Variants in S100A5 observed in about 807,000 individuals in gnomAD.
The protein encoded by S100A5 is S100 calcium binding protein A5.
Under a neutral mutation model 6.7 loss-of-function variants are expected in S100A5, and 5 were observed. That is an observed-to-expected ratio of 0.75 (90% CI 0.39 to 1.57). The LOEUF (loss-of-function observed/expected upper bound fraction) is 1.57, where lower values mean the gene tolerates loss of function less well. Ranked by LOEUF, S100A5 falls within the 40% of genes most tolerant of loss-of-function variation. The pLI is 0.03. For synonymous variants in S100A5, 49 were observed against 44.9 expected, an observed-to-expected ratio of 1.09 and a Z score of -0.37; for missense variants, 129 against 110.8, an observed-to-expected ratio of 1.16 and a Z score of -0.74.
upstream of S100A5, chr1:153,543,468 C>T (rs889555969): frequency 1.1e-5 from 4 of 357,968 alleles, no homozygotes; most frequent in South Asian, 9.1e-5. Flanking sequence ...CCTGTGCACA[C>T]ACACTGTTAG....
At chr1:153,538,113 C>T (rs1423704709) in intron 2 of S100A5, among the ~76,000 whole-genome samples, 2 of 152,144 alleles carry the variant, frequency 1.3e-5, no homozygotes, top group Non-Finnish European at 2.9e-5. Flanking sequence ...CTGAGTGACT[C>T]TCTCCCCATT....
chr1:153,539,871 A>C (rs4017737), intron 2 of S100A5, among the ~76,000 whole-genome samples, 183 bp downstream of exon 2: 1 of 151,832 alleles, frequency 6.6e-6, no homozygotes, highest in East Asian at 1.9e-4. Flanking sequence ...ACCCTGACCC[A>C]TTCTCCTTCA....
In S100A5 at chr1:153,540,313, G is replaced by A. The variant is rs760447053; in HGVS notation, c.-14-108C>T. The A allele has an allele frequency of 4.9e-4, 577 of 1,168,068 alleles. 1 individual carries two copies. Among genetic ancestry groups the A allele is most frequent in the Non-Finnish European group, 5.4e-4 (444 of 817,214 alleles). The allele number at this position is 1,168,068 out of a possible 1,614,324, so 72.4% of individuals were successfully genotyped here. On this transcript the variant is annotated intron_variant, in intron 1 of 2. Transcript: ENST00000368717. ...AGAACAAGAGACTGGAACCCAGGAT[G>A]AGACTGAAATCCACTAACAAGAGCG...
In S100A5 at chr1:153,537,240, G is replaced by C; in HGVS notation, c.*56C>G. 6.3e-7 allele frequency: 1 copy of C among 1,582,654 alleles called. No individual in the cohort carries two copies. The highest frequency in any genetic ancestry group is 8.6e-7 in the Non-Finnish European group (1 of 1,156,472). The stretch of plus-strand genomic sequence containing the variant: ...AGGGGGCCAAAGAGGGTCTGTGAGA[G>C]GAGCAGCCGAGGTCAGCAGCAAAGG... On this transcript the variant is annotated 3_prime_UTR_variant, in exon 3 of 3. Transcript: ENST00000368717.
At chr1:153,539,858 G>A (rs1016132280) in intron 2 of S100A5, among the ~76,000 whole-genome samples, 196 bp downstream of exon 2, 2 of 152,174 alleles carry the variant, frequency 1.3e-5, no homozygotes, top group South Asian at 4.1e-4. Context: ...CCTTCTCAGT[G>A]AGACCCTGAC....
At chr1:153,542,477 A>G (rs1291931616), upstream of S100A5, among the ~76,000 whole-genome samples, 1 of 152,186 alleles carries the variant, frequency 6.6e-6, no homozygotes, top group Admixed American at 6.5e-5. Context: ...TTTCTCCTGA[A>G]CTGAAATTCC....
At chr1:153,543,046 C>T (rs1665440094), upstream of S100A5, among the ~76,000 whole-genome samples, 1 of 152,078 alleles carries the variant, frequency 6.6e-6, no homozygotes, top group South Asian at 2.1e-4. Flanking sequence ...TCCACATTGC[C>T]CTCCCTGATC....
upstream of S100A5, chr1:153,543,405 G>C (rs1239529927): frequency 1.1e-5 from 5 of 449,980 alleles, no homozygotes; most frequent in Non-Finnish European, 1.5e-5. Context: ...CTTGGCAGGG[G>C]GGTGGTGAGG....
In S100A5 at chr1:153,537,317, G is replaced by T. The variant is rs769005896; in HGVS notation, c.258C>A (p.Phe86Leu). 1.4e-5 allele frequency: 22 copies of T among 1,614,012 alleles called. 1 individual carries two copies. In the South Asian group the frequency reaches 2.3e-4, roughly 17 times the overall value. Residue 86 changes from phenylalanine to leucine, a missense_variant, in exon 3 of 3, where the codon TTC becomes TTA. Physicochemically the swap from Phe to Leu is conservative, Grantham distance 22. Coordinates refer to ENST00000368717, the MANE Select transcript of S100A5 (RefSeq NM_001394232.1). ...LTMLCMAYND[F>L]FLEDNK Reference sequence around the variant, plus strand: ...CTGGTCACTTGTTGTCCTCTAGAAAGAAGTCGTTGTAGGCCATGCACAGCA... The same window carrying T: ...CTGGTCACTTGTTGTCCTCTAGAAATAAGTCGTTGTAGGCCATGCACAGCA...
intron 2 of S100A5, 102 bp downstream of exon 2, chr1:153,539,952 A>G (rs1665330663): frequency 7.0e-7 from 1 of 1,438,534 alleles, no homozygotes; most frequent in Admixed American, 1.9e-5. Flanking sequence ...GCCCTTGGCC[A>G]CCCTGCCCCT....
rs768926248 is a variant in S100A5 at position 153,540,122 on chromosome 1, C to CCT, written c.68_69dup (p.Gly24ArgfsTer5). 3 of 1,614,110 alleles carry CCT rather than the reference C, an allele frequency of 1.9e-6. No individual in the cohort carries two copies. In the Admixed American group the frequency reaches 5.0e-5, roughly 27 times the overall value. The stretch of plus-strand genomic sequence containing the variant: ...TTCCTACTCAGGGTCAGTTTGCTAC[C>CCT]CTCTCTCCCCGAATATTTGTGAAAC... On this transcript the variant is annotated frameshift_variant, in exon 2 of 3. Transcript: ENST00000368717. LOFTEE classifies it high-confidence loss of function.
chr1:153,541,156 C>T (rs943164067), upstream of S100A5, among the ~76,000 whole-genome samples: 2 of 152,194 alleles, frequency 1.3e-5, no homozygotes, highest in African/African-American at 4.8e-5. Context: ...CAGTTGAAGG[C>T]AAGGGACTCT....
upstream of S100A5, chr1:153,541,678 C>A: frequency 8.7e-7 from 1 of 1,143,378 alleles, no homozygotes; most frequent in Non-Finnish European, 1.1e-6. Context: ...GACCAAAAAT[C>A]AGAACTCAAA....
intron 2 of S100A5, among the ~76,000 whole-genome samples, chr1:153,537,739 C>G (rs1475801921): frequency 1.3e-5 from 2 of 152,188 alleles, no homozygotes; most frequent in Admixed American, 1.3e-4. Context: ...AGGTTTTATA[C>G]CAACACCTGA....
At chr1:153,538,204 C>T (rs1294378731) in intron 2 of S100A5, among the ~76,000 whole-genome samples, 2 of 152,186 alleles carry the variant, frequency 1.3e-5, no homozygotes, top group African/African-American at 4.8e-5. Flanking sequence ...CCACTGCATC[C>T]CTCCCCTGCT....
Position 153,537,372 on chromosome 1 carries a change from T to G in S100A5, c.203A>C (p.Asp68Ala). 9 of 1,614,148 alleles carry G rather than the reference T, an allele frequency of 5.6e-6. No individual in the cohort carries two copies. Among genetic ancestry groups the G allele is most frequent in the Non-Finnish European group, 7.6e-6 (9 of 1,180,006 alleles). The change falls in exon 3 of 3, where the codon GAC becomes GCC. Residue 68 changes from aspartate (D) to alanine (A), a missense_variant. Transcript: ENST00000368717. ...CAGGAACACCGAGTACTCCTTGAAG[T>G]CGATCTCCTGGTCGCTGTTCTTGTC... Reference protein sequence around the residue: ...SLDKNSDQEIDFKEYSVFLTM... With the variant: ...SLDKNSDQEIAFKEYSVFLTM...
Position 153,540,188 on chromosome 1 carries a change from C to T in S100A5, c.4G>A (p.Glu2Lys). ...GTCAGGGCCTTCTCCAGAGGAGTCT[C>T]CATCACAGTGTGCAGCTCTGTAGAG... is the stretch of plus-strand genomic sequence containing the variant. M[E>K]TPLEKALTTM... The change falls in exon 2 of 3, where the codon GAG becomes AAG. Residue 2 changes from glutamate to lysine, a missense_variant. Transcript: ENST00000368717. 6.2e-7 allele frequency: 1 copy of T among 1,614,140 alleles called. No homozygotes were observed. Among genetic ancestry groups the T allele is most frequent in the Non-Finnish European group, 8.5e-7 (1 of 1,180,000 alleles).
upstream of S100A5, chr1:153,543,586 C>T: frequency 1.4e-6 from 1 of 716,904 alleles, no homozygotes. Flanking sequence ...CAGTCCCCAA[C>T]CCACGCCCCC....
intron 2 of S100A5, among the ~76,000 whole-genome samples, chr1:153,537,949 A>G (rs1665239014): frequency 6.6e-6 from 1 of 152,148 alleles, no homozygotes; most frequent in South Asian, 2.1e-4. Flanking sequence ...TGGAAGGCTG[A>G]GGCAGGAGAA....
Sources: gnomAD v4.1 joint callset for allele counts (sites outside exome capture counted in the v4.1 genomes callset) on GRCh38, gnomAD v4.1.1 for gene constraint, MANE v1.5 for transcripts, NCBI Gene and HGNC (gene_info 2026-07-23, HGNC 2026-07-21) for gene names.